Variants in MYO16 observed in about 807,000 individuals in gnomAD.
MYO16 encodes the protein myosin XVI, also known as unconventional myosin-XVI.
In MYO16, 94 loss-of-function variants were observed where a neutral mutation model predicts 205.3. The observed-to-expected ratio is 0.46, with a 90% CI of 0.39 to 0.54. The LOEUF (loss-of-function observed/expected upper bound fraction) is 0.54. Ranked by LOEUF, MYO16 falls within the 20% of genes least tolerant of loss-of-function variation. The probability of loss-of-function intolerance (pLI) is 0.00; values close to 1 mark genes in which losing one functional copy is unlikely to be tolerated. For synonymous variants in MYO16, 988 were observed against 954.0 expected (o/e 1.04, Z -0.66); for missense variants, 2,315 against 2,387.5 (o/e 0.97, Z 0.63).
At chr13:108,708,734 A>C (rs919654458) in intron 2 of MYO16, among the ~76,000 whole-genome samples, 3 of 152,192 alleles carry the variant, frequency 2.0e-5, no homozygotes, top group African/African-American at 7.2e-5. Flanking sequence ...ATTGCTATGC[A>C]GTCACATGTC....
At chr13:108,521,582 A>G in the MYO16 span, among the ~76,000 whole-genome samples, 4 of 152,210 alleles carry the variant, frequency 2.6e-5, no homozygotes, top group East Asian at 7.7e-4. Flanking sequence ...CATACTACTT[A>G]CTGCGGTCAC....
rs78699153 is a variant in MYO16 at position 108,948,107 on chromosome 13, G to A, written c.1926-9581G>A. ...TTAGTTAATATGTTTCAGATAGTTC[G>A]AAAACAATACAGAAAAGAATTTCTG... On this transcript the variant is annotated intron_variant, in intron 16 of 34. Transcript: ENST00000457511. Among the ~76,000 whole-genome samples the A allele has an allele frequency of 6.6e-4, 100 of 152,322 alleles. 3 individuals are homozygous for A. In the East Asian group the frequency reaches 0.013, roughly 19 times the overall value.
chr13:108,650,331 T>C (rs1426594998), intron 1 of MYO16, among the ~76,000 whole-genome samples: 1 of 152,204 alleles, frequency 6.6e-6, no homozygotes, highest in Non-Finnish European at 1.5e-5. Flanking sequence ...CATTTTGCAA[T>C]GTTGCTTCAG....
intron 27 of MYO16, among the ~76,000 whole-genome samples, chr13:109,085,561 G>A (rs1208933343): frequency 6.6e-6 from 1 of 152,182 alleles, no homozygotes; most frequent in African/African-American, 2.4e-5. Flanking sequence ...TATCCAGAAG[G>A]AAATTCAATA....
intron 1 of MYO16, among the ~76,000 whole-genome samples, chr13:108,652,487 C>T (rs1370457345): frequency 6.6e-6 from 1 of 152,186 alleles, no homozygotes; most frequent in Non-Finnish European, 1.5e-5. Context: ...AGTATATTCT[C>T]ATTGTTATGA....
At chr13:108,935,394 C>T (rs1390226632) in intron 16 of MYO16, among the ~76,000 whole-genome samples, 2 of 152,064 alleles carry the variant, frequency 1.3e-5, no homozygotes, top group Non-Finnish European at 2.9e-5. Flanking sequence ...AGGGATTGCA[C>T]TCTTGATTTG....
Position 108,638,662 on chromosome 13 carries a change from G to C in MYO16, c.28+8790G>C, listed in dbSNP as rs112039419. On this transcript the variant is annotated intron_variant, in intron 1 of 34. Coordinates refer to ENST00000457511, the MANE Select transcript of MYO16 (RefSeq NM_001198950.3). ...TTTCCCACCTATGCCCATATTTTAA[G>C]TTTTTTAATCATTCACTCACGCCAG... Among the ~76,000 whole-genome samples the C allele has an allele frequency of 3.2e-4, 48 of 152,156 alleles. 3 individuals carry two copies. The highest frequency in any genetic ancestry group is 1.1e-3 in the African/African-American group (47 of 41,504).
chr13:109,107,808 T>TTTATATTATATTATATTATATTATA (rs1264152970), intron 28 of MYO16, among the ~76,000 whole-genome samples: 4 of 57,608 alleles, frequency 6.9e-5, no homozygotes, highest in Admixed American at 3.7e-4. Context: ...ACCATATATA[T>TTTATATTATATTATATTATATTATA]TCATATTATA....
At chr13:108,818,123 C>T (rs1875737915) in intron 7 of MYO16, among the ~76,000 whole-genome samples, 1 of 152,054 alleles carries the variant, frequency 6.6e-6, no homozygotes, top group Admixed American at 6.6e-5. Flanking sequence ...GTGGCTCACG[C>T]GTGTAATCTC....
intron 24 of MYO16, chr13:109,048,606 G>T: frequency 2.8e-6 from 1 of 355,266 alleles, no homozygotes; most frequent in Non-Finnish European, 5.1e-6. Flanking sequence ...AGCCATGATT[G>T]CTCACTCACT....
At chr13:108,715,944 A>C (rs909847668) in intron 3 of MYO16, among the ~76,000 whole-genome samples, 1 of 151,906 alleles carries the variant, frequency 6.6e-6, no homozygotes, top group Non-Finnish European at 1.5e-5. Context: ...GAAATCTCAA[A>C]AACTGTGACT....
intron 4 of MYO16, among the ~76,000 whole-genome samples, chr13:108,772,604 C>T (rs947315269): frequency 3.3e-5 from 5 of 151,836 alleles, no homozygotes; most frequent in East Asian, 1.9e-4. Context: ...AAAAAAAATG[C>T]GATCAAGTGC....
chr13:108,876,449 G>T (rs1402463852), intron 12 of MYO16, among the ~76,000 whole-genome samples: 2 of 152,030 alleles, frequency 1.3e-5, no homozygotes, highest in African/African-American at 4.8e-5. Context: ...TGATGTCTTA[G>T]ATAGATGACA....
chr13:108,769,784 G>A (rs953240422), intron 4 of MYO16, among the ~76,000 whole-genome samples: 1 of 152,158 alleles, frequency 6.6e-6, no homozygotes, highest in Non-Finnish European at 1.5e-5. Flanking sequence ...GAGAAATCAA[G>A]AATTTCCTTA....
At chr13:108,520,079 T>C in the MYO16 span, among the ~76,000 whole-genome samples, 1 of 152,158 alleles carries the variant, frequency 6.6e-6, no homozygotes, top group East Asian at 1.9e-4. Context: ...GATAAAACAT[T>C]TAACATTCAT....
intron 27 of MYO16, among the ~76,000 whole-genome samples, chr13:109,073,476 T>C (rs1173729150): frequency 3.9e-5 from 6 of 152,082 alleles, no homozygotes; most frequent in Non-Finnish European, 7.4e-5. Flanking sequence ...GAAGAAAAAA[T>C]GAATTCCTTC....
chr13:108,907,882 A>G (rs1228225662), intron 15 of MYO16, among the ~76,000 whole-genome samples: 2 of 152,202 alleles, frequency 1.3e-5, no homozygotes, highest in African/African-American at 4.8e-5. Flanking sequence ...CAAGAACAAG[A>G]TGACTATTCA....
intron 31 of MYO16, among the ~76,000 whole-genome samples, chr13:109,136,411 T>G (rs1876780172): frequency 6.6e-6 from 1 of 152,154 alleles, no homozygotes; most frequent in African/African-American, 2.4e-5. Context: ...TTTCTTAACA[T>G]TCAAATTATT....
rs60404877 is a variant in MYO16 at position 108,849,619 on chromosome 13, TTGTGTGTGTGTGTGTGTGTGTG to T, written c.1248+5152_1248+5173del. ...TCCAAATCCTGTTGAATTTCCTCTTTTGTGTGTGTGTGTGTGTGTGTGTGTGTGTGTGTGTGTGTGTGTGTGT... is the reference window on the plus strand; with the variant it reads ...TCCAAATCCTGTTGAATTTCCTCTTTTGTGTGTGTGTGTGTGTGTGTGTGT... On this transcript the variant is annotated intron_variant, in intron 10 of 34. Transcript: ENST00000457511. Among the ~76,000 whole-genome samples the T allele has an allele frequency of 2.4e-4, 20 of 83,890 alleles. No individual in the cohort carries two copies. The East Asian group carries it at 4.2e-3, about 18-fold the overall frequency. The allele number at this position is 83,890 out of a possible 152,430, so 55.0% of individuals were successfully genotyped here.
Sources: allele counts gnomAD v4.1 joint callset (sites outside exome capture counted in the v4.1 genomes callset), GRCh38; gene constraint gnomAD v4.1.1; transcripts MANE v1.5; gene names NCBI Gene and HGNC (gene_info 2026-07-23, HGNC 2026-07-21).